SH3KBP1: variants seen among roughly 807,000 people sequenced by gnomAD.
SH3KBP1 encodes SH3 domain-containing kinase-binding protein 1.
In SH3KBP1, 8 loss-of-function variants were observed where a neutral mutation model predicts 50.1. The ratio of observed to expected loss-of-function variants is 0.16; its 90% confidence interval spans 0.09 to 0.29. SH3KBP1 has a LOEUF of 0.29. Ranked by LOEUF, SH3KBP1 falls within the 10% of genes least tolerant of loss-of-function variation. SH3KBP1 has a pLI of 1.00. For synonymous variants in SH3KBP1, 227 were observed against 218.6 expected (o/e 1.04, Z -0.34); for missense variants, 377 against 535.2 (o/e 0.70, Z 2.92).
intron 3 of SH3KBP1, among the ~76,000 whole-genome samples, chrX:19,741,872 A>G (rs1324710873): frequency 1.8e-5 from 2 of 111,500 alleles, no homozygotes; most frequent in East Asian, 5.6e-4. Context: ...GTGTCTACCA[A>G]AAAGTGAGGA....
At chrX:19,726,128 T>C (rs957781133) in intron 3 of SH3KBP1, among the ~76,000 whole-genome samples, 2 of 111,250 alleles carry the variant, frequency 1.8e-5, no homozygotes, top group East Asian at 2.8e-4. Flanking sequence ...GAGGACTCAA[T>C]CAAATATAAT....
intron 6 of SH3KBP1, chrX:19,648,150 A>G: frequency 2.8e-6 from 1 of 362,893 alleles, no homozygotes. Context: ...GACTCAGTTC[A>G]GAGAGGAACT....
chrX:19,883,246 G>C, intron 1 of SH3KBP1, among the ~76,000 whole-genome samples: 1 of 112,610 alleles, frequency 8.9e-6, no homozygotes, highest in Non-Finnish European at 1.9e-5. Context: ...AGGGGAGGCT[G>C]TGCTACTGGC....
intron 5 of SH3KBP1, among the ~76,000 whole-genome samples, chrX:19,689,242 G>T (rs1266106316): frequency 8.9e-6 from 1 of 112,039 alleles, no homozygotes; most frequent in African/African-American, 3.3e-5. Context: ...AGTGCAGCAA[G>T]TAATAGTGGC....
intron 7 of SH3KBP1, among the ~76,000 whole-genome samples, chrX:19,633,318 T>C (rs66502466): frequency 0.035 from 3,947 of 111,765 alleles, 161 homozygotes; most frequent in African/African-American, 0.11. Flanking sequence ...ATCTTGGGTA[T>C]TCTGGGCCTC....
In SH3KBP1 at chrX:19,544,420, T is replaced by C. The variant is rs556012595; in HGVS notation, c.1623+1502A>G. On this transcript the variant is annotated intron_variant, in intron 15 of 17. Coordinates refer to ENST00000397821, the MANE Select transcript of SH3KBP1 (RefSeq NM_031892.3). ...TGGCTGAGTAGTTCCCCAAGACTCA[T>C]AGGTAATAACTGGCAGAACAGGGGA... Among the ~76,000 whole-genome samples, 68 of 110,566 alleles carry C rather than the reference T, an allele frequency of 6.2e-4. 1 individual carries two copies. The South Asian group carries it at 0.025, about 40-fold the overall frequency.
At chrX:19,719,253 G>A (rs912987685) in intron 3 of SH3KBP1, among the ~76,000 whole-genome samples, 2 of 111,154 alleles carry the variant, frequency 1.8e-5, no homozygotes, top group African/African-American at 6.6e-5. Context: ...ATGATGGTTA[G>A]GGCGATGCCA....
chrX:19,626,383 TATGA>T (rs72140292), intron 8 of SH3KBP1, among the ~76,000 whole-genome samples: 8,018 of 108,258 alleles, frequency 0.074, 719 homozygotes, highest in African/African-American at 0.25. Context: ...TTCTTCGATG[TATGA>T]ATGAATGAAT....
chrX:19,803,989 G>A (rs1175847914), intron 2 of SH3KBP1, among the ~76,000 whole-genome samples: 4 of 110,993 alleles, frequency 3.6e-5, no homozygotes, highest in Non-Finnish European at 7.6e-5. Flanking sequence ...TGACTAACAC[G>A]GTGAAACCTC....
At chrX:19,582,292 G>A (rs776478555) in intron 12 of SH3KBP1, among the ~76,000 whole-genome samples, 4 of 111,882 alleles carry the variant, frequency 3.6e-5, no homozygotes, top group African/African-American at 1.3e-4. Context: ...CTACCACACT[G>A]TCAAACCCTC....
rs759952134 is a variant in SH3KBP1, at chrX:19,695,678, T to C, written c.454A>G (p.Ile152Val). 2.5e-6 allele frequency: 3 copies of C among 1,206,464 alleles called. No homozygotes were observed. The African/African-American group carries it at 5.3e-5, about 21-fold the overall frequency. The change falls in exon 5 of 18, where the codon ATC becomes GTC. Residue 152 changes from isoleucine to valine, a missense_variant. Physicochemically the swap from Ile to Val is conservative, Grantham distance 29 (BLOSUM62 3). Transcript: ENST00000397821. ...TCCGACTCCCCTGACAGCTCCTTGA[T>C]GAAGTTGGAAGGAAACATTCCAGTC... Reference protein sequence around the residue: ...GKTGMFPSNFIKELSGESDEL... With the variant: ...GKTGMFPSNFVKELSGESDEL...
chrX:19,870,328 T>A (rs965213767), intron 1 of SH3KBP1, among the ~76,000 whole-genome samples: 10 of 110,440 alleles, frequency 9.1e-5, no homozygotes, highest in Non-Finnish European at 1.5e-4. Context: ...AAGAGATGAG[T>A]CCACAACTAC....
chrX:19,607,742 G>C (rs1463272939), intron 9 of SH3KBP1, among the ~76,000 whole-genome samples, 196 bp downstream of exon 9: 1 of 112,093 alleles, frequency 8.9e-6, no homozygotes, highest in Non-Finnish European at 1.9e-5. Flanking sequence ...CCGCAGAGTA[G>C]AGATCACTGT....
chrX:19,621,930 A>T (rs1386333836), intron 8 of SH3KBP1, among the ~76,000 whole-genome samples: 2 of 112,605 alleles, frequency 1.8e-5, no homozygotes, highest in African/African-American at 6.5e-5. Flanking sequence ...CTTTAAATAA[A>T]AACACTGAAA....
chrX:19,636,142 T>TAG (rs200616037), intron 7 of SH3KBP1, among the ~76,000 whole-genome samples: 14 of 106,322 alleles, frequency 1.3e-4, no homozygotes, highest in East Asian at 8.8e-4. Context: ...CACACACACA[T>TAG]AGAGAGAGAG....
intron 12 of SH3KBP1, among the ~76,000 whole-genome samples, chrX:19,584,149 TATATA>T (rs1189446452): frequency 9.6e-5 from 9 of 94,209 alleles, no homozygotes; most frequent in East Asian, 3.0e-4. Context: ...TATATATTTA[TATATA>T]ATATATTTAT....
chrX:19,616,026 C>T (rs2067600302), intron 8 of SH3KBP1, among the ~76,000 whole-genome samples: 2 of 109,522 alleles, frequency 1.8e-5, no homozygotes, highest in South Asian at 8.0e-4. Flanking sequence ...AGGATAAATA[C>T]ATCATGGCTC....
At chrX:19,788,003 T>A (rs2066402635) in intron 2 of SH3KBP1, among the ~76,000 whole-genome samples, 1 of 111,412 alleles carries the variant, frequency 9.0e-6, no homozygotes, top group Non-Finnish European at 1.9e-5. Flanking sequence ...TTATCCCCAG[T>A]ATCCATGAAT....
intron 1 of SH3KBP1, among the ~76,000 whole-genome samples, chrX:19,842,354 T>C (rs1347840943): frequency 1.8e-5 from 2 of 110,747 alleles, no homozygotes; most frequent in African/African-American, 6.6e-5. Context: ...GGTGAAACCC[T>C]GTCTCTACTA....
Sources: allele counts gnomAD v4.1 joint callset (sites outside exome capture counted in the v4.1 genomes callset), GRCh38; gene constraint gnomAD v4.1.1; transcripts MANE v1.5; gene names NCBI Gene and HGNC (gene_info 2026-07-23, HGNC 2026-07-21).